IL7: variants seen among roughly 807,000 people sequenced by gnomAD.
The protein encoded by IL7 is interleukin 7, also known as interleukin-7.
In IL7, 3 loss-of-function variants were observed where a neutral mutation model predicts 21.6. The ratio of observed to expected loss-of-function variants is 0.14; its 90% CI spans 0.06 to 0.36. The LOEUF is 0.36. Ranked by LOEUF, IL7 falls within the 10% of genes least tolerant of loss-of-function variation. The pLI is 1.00. For missense variants in IL7, 175 were observed against 200.2 expected, an observed-to-expected ratio of 0.87 and a Z score of 0.76; for synonymous variants, 62 against 68.1, an observed-to-expected ratio of 0.91 and a Z score of 0.44.
chr8:78,712,111 G>T, intron 3 of IL7: 1 of 1,262,998 alleles, frequency 7.9e-7, no homozygotes. Flanking sequence ...TTACAAGTAA[G>T]TATTTGTAAC....
intron 4 of IL7, among the ~76,000 whole-genome samples, chr8:78,678,182 C>G (rs372326970): frequency 5.9e-5 from 9 of 152,210 alleles, no homozygotes; most frequent in Non-Finnish European, 1.3e-4. Flanking sequence ...CTTAGAATGC[C>G]TTAACTATCT....
intron 4 of IL7, among the ~76,000 whole-genome samples, chr8:78,677,430 T>C (rs1429915893): frequency 6.6e-6 from 1 of 151,988 alleles, no homozygotes; most frequent in East Asian, 1.9e-4. Flanking sequence ...ACTGCAAAGT[T>C]TGAGTTCCAG....
intron 4 of IL7, among the ~76,000 whole-genome samples, chr8:78,682,428 G>C (rs1333415559): frequency 6.6e-6 from 1 of 152,140 alleles, no homozygotes; most frequent in Non-Finnish European, 1.5e-5. Context: ...GGAAGGTGAA[G>C]AAGGAACAAA....
chr8:78,718,500 A>T (rs1443782841), intron 6 of IL7: 2 of 151,342 alleles, frequency 1.3e-5, no homozygotes, highest in African/African-American at 2.4e-5. Context: ...AAATATTTGA[A>T]TTTTTTTTTC....
At chr8:78,787,329 A>T (rs138990169) in intron 2 of IL7, among the ~76,000 whole-genome samples, 4 of 152,286 alleles carry the variant, frequency 2.6e-5, no homozygotes, top group African/African-American at 9.6e-5. Context: ...TGCTGTCTTC[A>T]GATAGATAGT....
chr8:78,787,219 A>AGGTACCCCCTGGTAC, intron 2 of IL7, among the ~76,000 whole-genome samples: 1 of 152,196 alleles, frequency 6.6e-6, no homozygotes, highest in Non-Finnish European at 1.5e-5. Flanking sequence ...AGTTGGTCAG[A>AGGTACCCCCTGGTAC]AGCACAGGTT....
At chr8:78,728,131 T>G (rs1294654315), downstream of IL7, among the ~76,000 whole-genome samples, 1 of 151,942 alleles carries the variant, frequency 6.6e-6, no homozygotes, top group Admixed American at 6.6e-5. Flanking sequence ...AAAGAAAAAC[T>G]AAATAGAGAA....
At chr8:78,761,013 T>C in intron 2 of IL7, 1 of 1,611,292 alleles carries the variant, frequency 6.2e-7, no homozygotes, top group Non-Finnish European at 8.5e-7. Context: ...GTTACTGCAC[T>C]GCAGAGTACA....
chr8:78,735,293 G>GTTTTTTTTTTTTTTTTTTGTTTTT (rs33976248), intron 5 of IL7, among the ~76,000 whole-genome samples: 1 of 69,574 alleles, frequency 1.4e-5, no homozygotes, highest in Admixed American at 1.6e-4. Flanking sequence ...TTTTTTTTTT[G>GTTTTTTTTTTTTTTTTTTGTTTTT]TTTTTTTTTT....
At chr8:78,800,418 G>A (rs763375723) in intron 1 of IL7, among the ~76,000 whole-genome samples, 2 of 151,962 alleles carry the variant, frequency 1.3e-5, no homozygotes, top group Non-Finnish European at 2.9e-5. Context: ...CTACCTCAGC[G>A]TTCTGAGTAG....
intron 2 of IL7, among the ~76,000 whole-genome samples, chr8:78,763,492 A>C (rs1015604098): frequency 2.0e-5 from 3 of 152,142 alleles, no homozygotes; most frequent in Non-Finnish European, 4.4e-5. Flanking sequence ...TGATACAGAG[A>C]CATCACTTTA....
downstream of IL7, among the ~76,000 whole-genome samples, chr8:78,715,765 TGTG>T (rs1811082064): frequency 6.6e-6 from 1 of 152,032 alleles, no homozygotes; most frequent in Admixed American, 6.6e-5. Context: ...GATGAGGAGT[TGTG>T]GTGGCTCACG....
intron 3 of IL7, among the ~76,000 whole-genome samples, chr8:78,689,563 G>T (rs1810141766): frequency 6.6e-6 from 1 of 151,856 alleles, no homozygotes; most frequent in Non-Finnish European, 1.5e-5. Context: ...AGCTAATTGT[G>T]TATAGTGTGA....
chr8:78,696,121 G>A (rs188433793), intron 3 of IL7, among the ~76,000 whole-genome samples: 1,614 of 151,660 alleles, frequency 0.011, 11 homozygotes, highest in Non-Finnish European at 0.016. Flanking sequence ...TGCAAGCTCC[G>A]CCTCCTGGGT....
intron 2 of IL7, among the ~76,000 whole-genome samples, chr8:78,770,849 C>A (rs909559364): frequency 1.1e-4 from 17 of 152,158 alleles, no homozygotes; most frequent in South Asian, 6.2e-4. Context: ...TTTTTATACA[C>A]ACATTATTAT....
intron 3 of IL7, among the ~76,000 whole-genome samples, chr8:78,694,915 G>A (rs1382399035): frequency 6.6e-6 from 1 of 152,114 alleles, no homozygotes; most frequent in African/African-American, 2.4e-5. Flanking sequence ...ATACAAAATT[G>A]TTGGTTGATA....
At chr8:78,704,794 C>T (rs965818316) in intron 3 of IL7, among the ~76,000 whole-genome samples, 1 of 152,096 alleles carries the variant, frequency 6.6e-6, no homozygotes, top group African/African-American at 2.4e-5. Context: ...TTTGTTCATT[C>T]CTTTTCATCC....
rs549718601 is a variant in IL7 at position 78,736,805 on chromosome 8, T to C, written c.361-278A>G. 1.1e-4 allele frequency among the ~76,000 whole-genome samples: 17 copies of C among 152,218 alleles called. No homozygotes were observed. The South Asian group carries it at 2.9e-3, about 26-fold the overall frequency. On this transcript the variant is annotated intron_variant, in intron 4 of 5. Coordinates refer to ENST00000263851, the MANE Select transcript of IL7 (RefSeq NM_000880.4). ...TTAACTACTGTGAGGTATGAAAAAT[T>C]AACATAGTAGGGTATAGTAGCAGAG...
downstream of IL7, chr8:78,675,740 C>G (rs1585977932): frequency 6.8e-7 from 1 of 1,473,684 alleles, no homozygotes; most frequent in East Asian, 2.3e-5. Context: ...TGAAGTTTCA[C>G]AATTTCAAGT....
Sources: allele counts gnomAD v4.1 joint callset (sites outside exome capture counted in the v4.1 genomes callset), GRCh38; gene constraint gnomAD v4.1.1; transcripts MANE v1.5; gene names NCBI Gene and HGNC (gene_info 2026-07-23, HGNC 2026-07-21).